The following ESYT2 variants were observed in gnomAD, a reference collection of about 807,000 sequenced individuals.
The protein encoded by ESYT2 is extended synaptotagmin-2.
In ESYT2, 54 loss-of-function variants were observed where a neutral mutation model predicts 107.2. That is an observed-to-expected ratio of 0.50 (90% CI 0.40 to 0.63). The LOEUF is 0.63. Among genes scored for constraint, ESYT2 ranks in the 30% least tolerant of loss-of-function variants. The pLI is 0.00. For missense variants in ESYT2, 1,020 were observed against 1,094.5 expected (o/e 0.93, Z 0.96); for synonymous variants, 491 against 434.1 (o/e 1.13, Z -1.63).
chr7:158,763,068 A>G lies in ESYT2; in HGVS notation c.1184+15T>C. 1 of 1,602,680 alleles carries G rather than the reference A, an allele frequency of 6.2e-7. No homozygotes were observed. Among genetic ancestry groups the G allele is most frequent in the Non-Finnish European group, 8.5e-7 (1 of 1,171,474 alleles). On this transcript the variant is annotated intron_variant, in intron 10 of 22. Coordinates refer to ENST00000275418, the MANE Select transcript of ESYT2 (RefSeq NM_001367773.1). Reference sequence around the variant, plus strand: ...CCCATGCCCTCCTCCAATAACCACAATGGGCTTTATTTACCTTCCTAAAAA... The same window carrying G: ...CCCATGCCCTCCTCCAATAACCACAGTGGGCTTTATTTACCTTCCTAAAAA...
intron 1 of ESYT2, among the ~76,000 whole-genome samples, chr7:158,827,923 A>G (rs1263694647): frequency 6.6e-6 from 1 of 152,208 alleles, no homozygotes; most frequent in African/African-American, 2.4e-5. Flanking sequence ...AATGACAAGA[A>G]AAAGATTTGA....
At chr7:158,807,482 T>G (rs1584875522) in intron 1 of ESYT2, among the ~76,000 whole-genome samples, 1 of 152,224 alleles carries the variant, frequency 6.6e-6, no homozygotes, top group African/African-American at 2.4e-5. Context: ...TACTGTTTCC[T>G]TTTTAATTAT....
intron 6 of ESYT2, among the ~76,000 whole-genome samples, chr7:158,777,158 T>TCTGA (rs1260943620): frequency 3.3e-5 from 5 of 152,038 alleles, no homozygotes; most frequent in African/African-American, 1.2e-4. Flanking sequence ...CCACCTAGCT[T>TCTGA]CTGACTGAAA....
Position 158,733,764 on chromosome 7 carries a change from G to T in ESYT2, c.*443C>A, listed in dbSNP as rs1061735. The T allele has an allele frequency of 0.26, 39,047 of 152,714 alleles. 6,099 individuals are homozygous for T. Among genetic ancestry groups the T allele is most frequent in the East Asian group, 0.6 (3,110 of 5,176 alleles). The allele number at this position is 152,714 out of a possible 1,614,324, so 9.5% of individuals were successfully genotyped here. A position where few individuals can be genotyped will look rare whatever the true frequency, so the allele number is the denominator to read the frequency against. ...AGATGAAAATGATTATTTGTCACAC[G>T]AATTTAATAAGTTTTAGAAGAAAAT... On this transcript the variant is annotated 3_prime_UTR_variant, in exon 23 of 23. Transcript: ENST00000275418.
chr7:158,747,620 C>T (rs1331477479), intron 16 of ESYT2, among the ~76,000 whole-genome samples: 8 of 152,094 alleles, frequency 5.3e-5, no homozygotes, highest in Middle Eastern at 3.2e-3. Flanking sequence ...GAATGTGACA[C>T]GGCACAATCT....
intron 7 of ESYT2, among the ~76,000 whole-genome samples, chr7:158,771,526 T>C (rs1473836295): frequency 6.6e-6 from 1 of 152,178 alleles, no homozygotes; most frequent in Admixed American, 6.5e-5. Context: ...GGCGGGGACC[T>C]AGCGGGAAAG....
At chr7:158,761,265 A>G (rs1837949300) in intron 11 of ESYT2, among the ~76,000 whole-genome samples, 3 of 152,236 alleles carry the variant, frequency 2.0e-5, no homozygotes, top group Admixed American at 2.0e-4. Context: ...AAGGATTCCC[A>G]GCATATGGTA....
At chr7:158,772,944 C>T (rs1237473754) in intron 7 of ESYT2, among the ~76,000 whole-genome samples, 1 of 149,300 alleles carries the variant, frequency 6.7e-6, no homozygotes, top group Non-Finnish European at 1.5e-5. Context: ...GCTGGAGAGA[C>T]CCTGGAAAGC....
At chr7:158,802,413 T>TG (rs1839672572) in intron 1 of ESYT2, among the ~76,000 whole-genome samples, 1 of 152,164 alleles carries the variant, frequency 6.6e-6, no homozygotes, top group African/African-American at 2.4e-5. Flanking sequence ...CTCGAGTAGC[T>TG]GGGACTACAG....
rs1836975681 is a variant in ESYT2 at position 158,736,920 on chromosome 7, G to C, written c.2399+128C>G. 2.5e-6 allele frequency: 3 copies of C among 1,185,940 alleles called. No homozygotes were observed. In the South Asian group the frequency reaches 4.4e-5, roughly 17 times the overall value. The allele number at this position is 1,185,940 out of a possible 1,614,324, so 73.5% of individuals were successfully genotyped here. On this transcript the variant is annotated intron_variant, in intron 20 of 22. Transcript: ENST00000275418. ...GTTTTGAGAAGTATGTTTGCTAAAA[G>C]TTGGTTTCTGATTGAACTTCTCAAC...
chr7:158,799,398 T>TA (rs1477990114), intron 1 of ESYT2, among the ~76,000 whole-genome samples: 2 of 152,242 alleles, frequency 1.3e-5, no homozygotes, highest in South Asian at 2.1e-4. Flanking sequence ...TCTACCTTTT[T>TA]AAAAAAACAT....
At chr7:158,794,769 C>T (rs1260657351) in intron 3 of ESYT2, among the ~76,000 whole-genome samples, 5 of 152,044 alleles carry the variant, frequency 3.3e-5, no homozygotes, top group African/African-American at 1.2e-4. Context: ...AGAGTAAGAC[C>T]CTGTCTCAAA....
At chr7:158,804,756 G>A (rs535416909) in intron 1 of ESYT2, among the ~76,000 whole-genome samples, 3 of 151,820 alleles carry the variant, frequency 2.0e-5, no homozygotes, top group South Asian at 2.1e-4. Flanking sequence ...CCAAACTGCC[G>A]AGAAAGGTGA....
chr7:158,754,289 C>A (rs1337822831), intron 13 of ESYT2, among the ~76,000 whole-genome samples: 1 of 152,190 alleles, frequency 6.6e-6, no homozygotes, highest in South Asian at 2.1e-4. Flanking sequence ...TCACTGCAAC[C>A]TCCACCTCCT....
At chr7:158,790,510 G>A (rs941062675) in intron 4 of ESYT2, among the ~76,000 whole-genome samples, 1 of 152,186 alleles carries the variant, frequency 6.6e-6, no homozygotes, top group Non-Finnish European at 1.5e-5. Flanking sequence ...TCCAGCCCGG[G>A]TGACAGAGCG....
intron 4 of ESYT2, among the ~76,000 whole-genome samples, 165 bp downstream of exon 4, chr7:158,793,485 G>C (rs1215964266): frequency 1.3e-5 from 2 of 152,186 alleles, no homozygotes. Flanking sequence ...GTTAGAAACT[G>C]AGACCCAGAA....
Position 158,739,023 on chromosome 7 carries a change from C to T in ESYT2, c.2267G>A (p.Arg756Lys). ...NKLIVVVHACRNLIAFSEDGS... is the reference protein window; with the variant it reads ...NKLIVVVHACKNLIAFSEDGS... ...GGGCGCGTGGGACCCCAGCCCCCAC[C>T]TGCAGGCATGCACGACCACGATAAG... is the stretch of plus-strand genomic sequence containing the variant. Residue 756 changes from arginine to lysine, a missense_variant and splice_region_variant, in exon 19 of 23, where the codon AGA becomes AAA. By Grantham distance (26) the Arg-to-Lys change is conservative. Coordinates refer to ENST00000275418, the MANE Select transcript of ESYT2 (RefSeq NM_001367773.1). 1 of 1,613,926 alleles carries T rather than the reference C, an allele frequency of 6.2e-7. No homozygotes were observed. The highest frequency in any genetic ancestry group is 1.3e-5 in the African/African-American group (1 of 75,050).
chr7:158,743,512 G>A lies in ESYT2; in HGVS notation c.1794+17C>T, dbSNP rs369433179. On this transcript the variant is annotated intron_variant, in intron 17 of 22. Transcript: ENST00000275418. Reference sequence around the variant, plus strand: ...CTCCCCATCCCCTATGGTGTTCACTGCAGGACGACACGATACCCGCAGGGC... The same window carrying A: ...CTCCCCATCCCCTATGGTGTTCACTACAGGACGACACGATACCCGCAGGGC... 7.5e-6 allele frequency: 12 copies of A among 1,603,932 alleles called. No homozygotes were observed. In the African/African-American group the frequency reaches 1.5e-4, roughly 20 times the overall value.
At chr7:158,777,807 C>T (rs1838622502) in intron 6 of ESYT2, among the ~76,000 whole-genome samples, 3 of 152,128 alleles carry the variant, frequency 2.0e-5, no homozygotes, top group Admixed American at 1.3e-4. Flanking sequence ...AAAACGATTA[C>T]ATTAGAAACA....
Sources: allele counts gnomAD v4.1 joint callset (sites outside exome capture counted in the v4.1 genomes callset), GRCh38; gene constraint gnomAD v4.1.1; transcripts MANE v1.5; gene names NCBI Gene and HGNC (gene_info 2026-07-23, HGNC 2026-07-21).